MVB12B: variants seen among roughly 807,000 people sequenced by gnomAD.
The protein encoded by MVB12B is ESCRT-I complex subunit MVB12B.
In MVB12B, 16 loss-of-function variants were observed where a neutral mutation model predicts 41.6. The observed-to-expected ratio is 0.38, with a 90% CI of 0.26 to 0.58. The LOEUF (loss-of-function observed/expected upper bound fraction) is 0.58. Among genes scored for constraint, MVB12B ranks in the 20% least tolerant of loss-of-function variants. The pLI, the probability that MVB12B is intolerant of heterozygous loss-of-function variation, is 0.62. For synonymous variants in MVB12B, 133 were observed against 139.7 expected (o/e 0.95, Z 0.34); for missense variants, 274 against 380.2 (o/e 0.72, Z 2.32).
intron 7 of MVB12B, 46 bp downstream of exon 7, chr9:126,421,994 G>T: frequency 7.3e-7 from 1 of 1,374,670 alleles, no homozygotes; most frequent in South Asian, 1.2e-5. Context: ...TCTGTGTCCC[G>T]GGCGCCACCT....
At chr9:126,331,856 G>A (rs1448725705) in intron 1 of MVB12B, among the ~76,000 whole-genome samples, 6 of 152,212 alleles carry the variant, frequency 3.9e-5, no homozygotes, top group African/African-American at 7.2e-5. Flanking sequence ...AGGAAGGGGC[G>A]TTGGTTGGAG....
At chr9:126,466,866 C>T (rs1041209531) in intron 7 of MVB12B, among the ~76,000 whole-genome samples, 3 of 151,890 alleles carry the variant, frequency 2.0e-5, no homozygotes, top group African/African-American at 7.3e-5. Context: ...CTGGCTCTAT[C>T]GCCCAGGCTG....
intron 6 of MVB12B, among the ~76,000 whole-genome samples, chr9:126,408,599 G>T (rs532297422): frequency 2.6e-4 from 39 of 152,086 alleles, no homozygotes; most frequent in African/African-American, 8.9e-4. Flanking sequence ...TGGCTAACCT[G>T]AAACTATCAG....
rs1554776184 is a variant in MVB12B at position 126,413,849 on chromosome 9, T to TGTGTGCGC, written c.663-8001_663-8000insGCGCGTGT. 9.7e-4 allele frequency among the ~76,000 whole-genome samples: 144 copies of TGTGTGCGC among 148,626 alleles called. 2 individuals carry two copies. Among genetic ancestry groups the TGTGTGCGC allele is most frequent in the African/African-American group, 3.2e-3 (130 of 40,246 alleles). On this transcript the variant is annotated intron_variant, in intron 6 of 9. Coordinates refer to ENST00000361171, the MANE Select transcript of MVB12B (RefSeq NM_033446.3). ...GTGTGTGTGTGTGTGTGTGTGTGTG[T>TGTGTGCGC]GTGTATAAGGGTTGGGAGATCAAAG...
chr9:126,428,247 C>G (rs1197694412), intron 7 of MVB12B, among the ~76,000 whole-genome samples: 1 of 152,156 alleles, frequency 6.6e-6, no homozygotes, highest in African/African-American at 2.4e-5. Flanking sequence ...TGAATATCAG[C>G]CTTCTCCATG....
chr9:126,357,536 A>T (rs1829915843), intron 2 of MVB12B, among the ~76,000 whole-genome samples: 1 of 151,832 alleles, frequency 6.6e-6, no homozygotes, highest in African/African-American at 2.4e-5. Flanking sequence ...TTTAATCTTA[A>T]CCATTCTAGT....
At chr9:126,360,895 TA>T (rs1830012957) in intron 2 of MVB12B, among the ~76,000 whole-genome samples, 1 of 152,216 alleles carries the variant, frequency 6.6e-6, no homozygotes, top group Admixed American at 6.5e-5. Context: ...GTATAGCCAC[TA>T]CAGCTTTCTT....
rs1391290661 is a variant in MVB12B, at chr9:126,480,532, G to A, written c.758-837G>A. ...TTTTGAAAGCGATCCCCTGGGACAG[G>A]GCGGAGGGAGGGGTGGCCACAGAAA... On this transcript the variant is annotated intron_variant, in intron 7 of 9. Coordinates refer to ENST00000361171, the MANE Select transcript of MVB12B (RefSeq NM_033446.3). The surrounding 1 kb of genome is among the most constrained non-coding windows in gnomAD (Gnocchi z 4.9). Among the ~76,000 whole-genome samples the A allele has an allele frequency of 7.2e-5, 11 of 152,160 alleles. No homozygotes were observed. Among genetic ancestry groups the A allele is most frequent in the Admixed American group, 6.5e-4 (10 of 15,286 alleles).
At chr9:126,368,605 A>G (rs975827764) in intron 2 of MVB12B, among the ~76,000 whole-genome samples, 1 of 152,226 alleles carries the variant, frequency 6.6e-6, no homozygotes, top group Non-Finnish European at 1.5e-5. Context: ...AATTCTATCA[A>G]CCAAAGAGTG....
At chr9:126,328,154 G>A (rs1829034528) in intron 1 of MVB12B, among the ~76,000 whole-genome samples, 1 of 152,124 alleles carries the variant, frequency 6.6e-6, no homozygotes, top group African/African-American at 2.4e-5. Flanking sequence ...TACAGTAGAT[G>A]GTGACACCTT....
intron 2 of MVB12B, among the ~76,000 whole-genome samples, chr9:126,366,700 C>T (rs1830191521): frequency 6.6e-6 from 1 of 152,178 alleles, no homozygotes; most frequent in East Asian, 1.9e-4. Context: ...TCTGACCCCC[C>T]TTCTTGTAGT....
intron 2 of MVB12B, among the ~76,000 whole-genome samples, chr9:126,341,599 G>C (rs545549345): frequency 1.4e-4 from 21 of 152,360 alleles, no homozygotes; most frequent in African/African-American, 5.1e-4. Context: ...TGGTCCAGCA[G>C]AAGAAGCCCT....
At chr9:126,384,941 A>G (rs1004396639) in intron 3 of MVB12B, among the ~76,000 whole-genome samples, 2 of 149,044 alleles carry the variant, frequency 1.3e-5, no homozygotes. Flanking sequence ...GGCTCCAACA[A>G]TCCTCCTACT....
At chr9:126,458,227 G>A (rs1251657382) in intron 7 of MVB12B, among the ~76,000 whole-genome samples, 2 of 152,170 alleles carry the variant, frequency 1.3e-5, no homozygotes, top group African/African-American at 2.4e-5. Context: ...CTGAGCAAGC[G>A]GGTAAACGTC....
chr9:126,469,211 A>G (rs1056126578), intron 7 of MVB12B, among the ~76,000 whole-genome samples: 4 of 152,266 alleles, frequency 2.6e-5, no homozygotes, highest in Middle Eastern at 3.4e-3. Context: ...TCCTTTTTCT[A>G]TACATGCCAA....
chr9:126,457,686 A>C (rs929212896), intron 7 of MVB12B, among the ~76,000 whole-genome samples: 1 of 152,054 alleles, frequency 6.6e-6, no homozygotes, highest in African/African-American at 2.4e-5. Flanking sequence ...GCATTTTGTC[A>C]CACCTCAGAC....
chr9:126,364,837 C>T (rs993202808), intron 2 of MVB12B, among the ~76,000 whole-genome samples: 4 of 151,892 alleles, frequency 2.6e-5, no homozygotes, highest in African/African-American at 7.3e-5. Context: ...CTGCAAGCTC[C>T]GCCTCCCGGG....
At position 126,377,494 on chromosome 9, in the gene MVB12B, C is replaced by T. The variant is rs1830514656; in HGVS notation, c.205-3570C>T. On this transcript the variant is annotated intron_variant, in intron 2 of 9. Coordinates refer to ENST00000361171, the MANE Select transcript of MVB12B (RefSeq NM_033446.3). ...ATTCACTCAGCTCAATGGATTAAAT[C>T]CTGGAAATTTCATTTGAAAAACTTC... Among the ~76,000 whole-genome samples the T allele has an allele frequency of 2.0e-5, 3 of 152,118 alleles. No individual in the cohort carries two copies. The South Asian group carries it at 6.2e-4, about 32-fold the overall frequency.
Position 126,504,295 on chromosome 9 carries a change from C to T in MVB12B, c.*1032C>T, listed in dbSNP as rs1244698096. The T allele has an allele frequency of 6.6e-6, 1 of 152,318 alleles. No individual in the cohort carries two copies. Among genetic ancestry groups the T allele is most frequent in the Non-Finnish European group, 1.5e-5 (1 of 68,076 alleles). The allele number at this position is 152,318 out of a possible 1,614,324, so 9.4% of individuals were successfully genotyped here. On this transcript the variant is annotated 3_prime_UTR_variant, in exon 10 of 10. Transcript: ENST00000361171. Reference sequence around the variant, plus strand: ...TCCTCAAAGTGCCGGGCGCCAAGTTCAGCCCCAGGTGCGTTTGCCTAGGCA... The same window carrying T: ...TCCTCAAAGTGCCGGGCGCCAAGTTTAGCCCCAGGTGCGTTTGCCTAGGCA...
Sources: allele counts gnomAD v4.1 joint callset (sites outside exome capture counted in the v4.1 genomes callset), GRCh38; gene constraint gnomAD v4.1.1; non-coding constraint Gnocchi (gnomAD v3.1); transcripts MANE v1.5; gene names NCBI Gene and HGNC (gene_info 2026-07-23, HGNC 2026-07-21).